The following HDAC1 variants were observed in gnomAD, a reference collection of about 807,000 sequenced individuals.
HDAC1 encodes histone deacetylase 1.
Under a neutral mutation model 65.5 loss-of-function variants are expected in HDAC1, and 18 were observed. That is an observed-to-expected ratio of 0.27 (90% CI 0.19 to 0.41). The LOEUF is 0.41. Among genes scored for constraint, HDAC1 ranks in the 10% least tolerant of loss-of-function variants. The probability of loss-of-function intolerance (pLI) is 1.00; values close to 1 mark genes in which losing one functional copy is unlikely to be tolerated. For synonymous variants in HDAC1, 211 were observed against 227.9 expected, an observed-to-expected ratio of 0.93 and a Z score of 0.67; for missense variants, 373 against 625.2, an observed-to-expected ratio of 0.60 and a Z score of 4.30.
chr1:32,331,895 C>T lies in HDAC1; in HGVS notation c.1219+89C>T, dbSNP rs1641297130. ...TTCCTGGCTGCACACTCCCTCCAAG[C>T]TCCCCACCTGTAGAGAAATCTGTTT... On this transcript the variant is annotated intron_variant, in intron 11 of 13. Transcript: ENST00000373548. This position sits in a 1 kb window ranked among gnomAD's most constrained non-coding sequence, Gnocchi z 4.2. 7 of 1,492,602 alleles carry T rather than the reference C, an allele frequency of 4.7e-6. No homozygotes were observed. Among genetic ancestry groups the T allele is most frequent in the South Asian group, 2.6e-5 (2 of 77,518 alleles). The allele number at this position is 1,492,602 out of a possible 1,614,324, so 92.5% of individuals were successfully genotyped here. A position where few individuals can be genotyped will look rare whatever the true frequency, so the allele number is the denominator to read the frequency against.
At chr1:32,306,748 C>G (rs1380199701) in intron 2 of HDAC1, among the ~76,000 whole-genome samples, 3 of 152,062 alleles carry the variant, frequency 2.0e-5, no homozygotes, top group South Asian at 4.1e-4. Flanking sequence ...CAGTAGGCCA[C>G]TCTTATCTGA....
At chr1:32,306,211 A>G (rs1469886435) in intron 2 of HDAC1, among the ~76,000 whole-genome samples, 1 of 136,686 alleles carries the variant, frequency 7.3e-6, no homozygotes, top group Non-Finnish European at 1.6e-5. Flanking sequence ...TTTTTTTGAG[A>G]CAGAGTTTTG....
chr1:32,300,002 G>A (rs1235282089), intron 1 of HDAC1, among the ~76,000 whole-genome samples: 2 of 152,006 alleles, frequency 1.3e-5, no homozygotes, highest in African/African-American at 2.4e-5. Context: ...AGCTTGCAGT[G>A]AGCCGAGATC....
chr1:32,332,801 C>CTT (rs1491335821), intron 13 of HDAC1, 52 bp downstream of exon 13: 8 of 1,461,328 alleles, frequency 5.5e-6, no homozygotes, highest in Non-Finnish European at 6.6e-6. Context: ...GCACCAGCCC[C>CTT]TTTGTCCCAC....
At chr1:32,308,079 G>A (rs543651629) in intron 2 of HDAC1, among the ~76,000 whole-genome samples, 2 of 152,328 alleles carry the variant, frequency 1.3e-5, no homozygotes, top group East Asian at 3.9e-4. Context: ...CAGCACTTTG[G>A]GAGGCCAAGG....
chr1:32,330,796 G>A lies in HDAC1; in HGVS notation c.867G>A (p.Lys289=), dbSNP rs1460349125. The change falls in exon 9 of 14, where the codon AAG becomes AAA. Residue 289 remains lysine (K), a synonymous_variant. Transcript: ENST00000373548. This position sits in a 1 kb window ranked among gnomAD's most constrained non-coding sequence, Gnocchi z 4.2. ...ACGCCAAGTGTGTGGAATTTGTCAAGAGCTTTAACCTGCCTATGCTGATGC... is the reference window on the plus strand; with the variant it reads ...ACGCCAAGTGTGTGGAATTTGTCAAAAGCTTTAACCTGCCTATGCTGATGC... ...KGHAKCVEFV[K]SFNLPMLMLG... 2.5e-6 allele frequency: 4 copies of A among 1,614,136 alleles called. No homozygotes were observed. The highest frequency in any genetic ancestry group is 3.4e-6 in the Non-Finnish European group (4 of 1,180,026).
At chr1:32,332,924 A>G in intron 13 of HDAC1, 93 bp from the exon 14 acceptor site, 1 of 1,351,136 alleles carries the variant, frequency 7.4e-7, no homozygotes, top group Non-Finnish European at 1.0e-6. Context: ...AGCCCCCAGT[A>G]GTCACCTAGG....
intron 1 of HDAC1, among the ~76,000 whole-genome samples, chr1:32,294,572 C>T (rs576534594): frequency 3.2e-4 from 45 of 142,590 alleles, no homozygotes; most frequent in Non-Finnish European, 6.1e-4. Context: ...AGTGCAGTGG[C>T]GCAATCTCGG....
chr1:32,296,157 C>T lies in HDAC1; in HGVS notation c.49+3939C>T, dbSNP rs541014603. On this transcript the variant is annotated intron_variant, in intron 1 of 13. Coordinates refer to ENST00000373548, the MANE Select transcript of HDAC1 (RefSeq NM_004964.3). ...GTATCCCCAGCACCAAAAACAATGC[C>T]TAGCTCATGGTAGGTTCTCAATAAA... Among the ~76,000 whole-genome samples, 3 of 152,248 alleles carry T rather than the reference C, an allele frequency of 2.0e-5. No individual in the cohort carries two copies. The South Asian group carries it at 6.2e-4, about 32-fold the overall frequency.
At chr1:32,303,661 G>C (rs981154849) in intron 2 of HDAC1, among the ~76,000 whole-genome samples, 4 of 151,972 alleles carry the variant, frequency 2.6e-5, no homozygotes, top group African/African-American at 9.7e-5. Flanking sequence ...AAATCTCCTA[G>C]GTTTAAAATG....
Position 32,331,027 on chromosome 1 carries a change from T to C in HDAC1, c.979+119T>C. On this transcript the variant is annotated intron_variant, in intron 9 of 13. Coordinates refer to ENST00000373548, the MANE Select transcript of HDAC1 (RefSeq NM_004964.3). The surrounding 1 kb of genome is among the most constrained non-coding windows in gnomAD (Gnocchi z 4.2). ...CCGCTCCTCTTCTGATACTAGTCAC[T>C]GAGTCTCCTGCCTGTCCTCTTGTGA... The C allele has an allele frequency of 4.7e-6, 4 of 850,346 alleles. No individual in the cohort carries two copies. Among genetic ancestry groups the C allele is most frequent in the African/African-American group, 1.7e-5 (1 of 59,888 alleles). 52.7% of individuals were successfully genotyped at this position (850,346 alleles called of 1,614,324 possible).
rs190634355 is a variant in HDAC1, at chr1:32,293,552, G to A, written c.49+1334G>A. On this transcript the variant is annotated intron_variant, in intron 1 of 13. Transcript: ENST00000373548. The stretch of plus-strand genomic sequence containing the variant: ...GGAGGCTGAGGCAGGCAGATCACTC[G>A]GGGCCAGGAGTTCAGGACCAGCCTG... Among the ~76,000 whole-genome samples the A allele has an allele frequency of 6.8e-3, 1,031 of 151,946 alleles. 15 individuals are homozygous for A. Among genetic ancestry groups the A allele is most frequent in the African/African-American group, 0.023 (964 of 41,438 alleles).
In HDAC1 at chr1:32,324,544, G is replaced by A. The variant is rs752887096; in HGVS notation, c.346G>A (p.Gly116Ser). The A allele has an allele frequency of 1.2e-6, 2 of 1,607,962 alleles. No homozygotes were observed. Among genetic ancestry groups the A allele is most frequent in the Admixed American group, 1.7e-5 (1 of 60,006 alleles). Residue 116 changes from glycine to serine, a missense_variant, in exon 4 of 14, where the codon GGT (glycine) becomes AGT (serine). Physicochemically the swap from Gly to Ser is moderately conservative, Grantham distance 56. Transcript: ENST00000373548. ...LFEFCQLSTG[G>S]SVASAVKLNK... ...TGAGTTCTGTCAGTTGTCTACTGGT[G>A]GTTCTGTGGGTAAGGAATATTCATC...
intron 2 of HDAC1, among the ~76,000 whole-genome samples, chr1:32,316,301 A>G (rs996052940): frequency 2.0e-5 from 3 of 152,152 alleles, no homozygotes; most frequent in Non-Finnish European, 4.4e-5. Flanking sequence ...AAAAGTAATA[A>G]TTTTGTAAAG....
chr1:32,329,235 C>T lies in HDAC1; in HGVS notation c.729+75C>T. On this transcript the variant is annotated intron_variant, in intron 7 of 13. Coordinates refer to ENST00000373548, the MANE Select transcript of HDAC1 (RefSeq NM_004964.3). This position sits in a 1 kb window ranked among gnomAD's most constrained non-coding sequence, Gnocchi z 4.1. ...GGTGGAGGGGAGCAAAGCACCCCCA[C>T]CATACCTCAGGAATCTCTCCTTACT... 1 of 863,000 alleles carries T rather than the reference C, an allele frequency of 1.2e-6. No homozygotes were observed. The highest frequency in any genetic ancestry group is 2.0e-6 in the Non-Finnish European group (1 of 495,510). 53.5% of individuals were successfully genotyped at this position (863,000 alleles called of 1,614,324 possible). A position where few individuals can be genotyped will look rare whatever the true frequency, so the allele number is the denominator to read the frequency against.
At chr1:32,294,847 G>A (rs1640747203) in intron 1 of HDAC1, among the ~76,000 whole-genome samples, 1 of 149,740 alleles carries the variant, frequency 6.7e-6, no homozygotes, top group Non-Finnish European at 1.5e-5. Context: ...AACTTCTAGA[G>A]ATGGGGTCTC....
chr1:32,298,270 T>C (rs1640797579), intron 1 of HDAC1, among the ~76,000 whole-genome samples: 1 of 151,354 alleles, frequency 6.6e-6, no homozygotes, highest in Non-Finnish European at 1.5e-5. Flanking sequence ...GTATTTTTAG[T>C]AGAGACGGGG....
chr1:32,300,899 T>C (rs1640838603), intron 1 of HDAC1, among the ~76,000 whole-genome samples: 1 of 152,214 alleles, frequency 6.6e-6, no homozygotes, highest in South Asian at 2.1e-4. Context: ...ACTGCTCAGC[T>C]CTGCCACTGT....
At chr1:32,306,316 G>A (rs1317706637) in intron 2 of HDAC1, among the ~76,000 whole-genome samples, 1 of 151,422 alleles carries the variant, frequency 6.6e-6, no homozygotes, top group African/African-American at 2.4e-5. Flanking sequence ...GCGCCACCAC[G>A]GCCAGCTAAT....
Sources: gnomAD v4.1 joint callset for allele counts (sites outside exome capture counted in the v4.1 genomes callset) on GRCh38, gnomAD v4.1.1 for gene constraint, Gnocchi (gnomAD v3.1) non-coding constraint, MANE v1.5 for transcripts, NCBI Gene and HGNC (gene_info 2026-07-23, HGNC 2026-07-21) for gene names.